FAHD2B: variants seen among roughly 807,000 people sequenced by gnomAD.
The protein encoded by FAHD2B is fumarylacetoacetate hydrolase domain containing 2B.
In FAHD2B, 26 loss-of-function variants were observed where a neutral mutation model predicts 33.7. The ratio of observed to expected loss-of-function variants is 0.77; its 90% confidence interval spans 0.57 to 1.07. The LOEUF (loss-of-function observed/expected upper bound fraction) is 1.07. Ranked by LOEUF, FAHD2B falls within the 50% of genes least tolerant of loss-of-function variation. The pLI, the probability that FAHD2B is intolerant of heterozygous loss-of-function variation, is 0.00. For synonymous variants in FAHD2B, 108 were observed against 150.9 expected (o/e 0.72, Z 2.08); for missense variants, 272 against 388.1 (o/e 0.70, Z 2.51).
chr2:97,081,475 T>C, downstream of FAHD2B: 3 of 1,584,602 alleles, frequency 1.9e-6, no homozygotes, highest in Non-Finnish European at 2.6e-6. Context: ...CAGGAGGTGC[T>C]GGACAGGCTC....
chr2:97,087,013 A>C (rs1263722253), intron 4 of FAHD2B: 1 of 152,154 alleles, frequency 6.6e-6, no homozygotes, highest in Admixed American at 6.6e-5. Flanking sequence ...AAAGGAATTC[A>C]CAGTGATATT....
intron 4 of FAHD2B, among the ~76,000 whole-genome samples, chr2:97,088,100 A>G (rs2032105857): frequency 6.6e-6 from 1 of 152,116 alleles, no homozygotes; most frequent in Admixed American, 6.6e-5. Flanking sequence ...TGAGGTCAGG[A>G]GTTGGCAAAC....
In FAHD2B at chr2:97,084,055, C is replaced by T. The variant is rs2031788901; in HGVS notation, c.795-20G>A. On this transcript the variant is annotated intron_variant, in intron 7 of 8. Coordinates refer to ENST00000414820, the MANE Select transcript of FAHD2B (RefSeq NM_001320848.2). ...ACAAACCTGGAGCAAAGCAAAAGGA[C>T]CCAGTGAGACCAGGGGCTGGCTGAG... 2 of 1,610,512 alleles carry T rather than the reference C, an allele frequency of 1.2e-6. No homozygotes were observed. Among genetic ancestry groups the T allele is most frequent in the African/African-American group, 1.3e-5 (1 of 74,880 alleles).
chr2:97,081,226 C>T (rs2031633838), downstream of FAHD2B: 21 of 1,486,598 alleles, frequency 1.4e-5, no homozygotes, highest in Non-Finnish European at 1.9e-5. Flanking sequence ...GCACCTGCTG[C>T]CGCAAGACCT....
intron 4 of FAHD2B, among the ~76,000 whole-genome samples, chr2:97,087,420 G>A (rs1256910951): frequency 4.6e-5 from 7 of 152,026 alleles, no homozygotes; most frequent in Non-Finnish European, 1.0e-4. Flanking sequence ...GTTCTTGGCC[G>A]GGTGCAGTGG....
At chr2:97,087,854 C>T (rs370349447) in intron 4 of FAHD2B, among the ~76,000 whole-genome samples, 4 of 152,204 alleles carry the variant, frequency 2.6e-5, no homozygotes, top group East Asian at 1.9e-4. Context: ...AATGGAAATG[C>T]GTCTTCACAA....
At chr2:97,081,344 C>A, downstream of FAHD2B, 1 of 1,563,302 alleles carries the variant, frequency 6.4e-7, no homozygotes. Context: ...CTGAAACCTC[C>A]TGGGTGGTAG....
At chr2:97,084,787 C>A (rs1378996495) in intron 6 of FAHD2B, among the ~76,000 whole-genome samples, 1 of 151,746 alleles carries the variant, frequency 6.6e-6, no homozygotes, top group East Asian at 1.9e-4. Context: ...GTGGTGCGTG[C>A]CTGTAGTCCC....
chr2:97,082,933 A>G (rs2031707015), downstream of FAHD2B, among the ~76,000 whole-genome samples: 1 of 152,096 alleles, frequency 6.6e-6, no homozygotes, highest in African/African-American at 2.4e-5. Flanking sequence ...GGGTTGGAGA[A>G]GGTGGGATGG....
Position 97,091,550 on chromosome 2 carries a change from T to A in FAHD2B, c.157A>T (p.Ile53Phe). The A allele has an allele frequency of 6.2e-7, 1 of 1,613,778 alleles. No individual in the cohort carries two copies. The highest frequency in any genetic ancestry group is 8.5e-7 in the Non-Finnish European group (1 of 1,179,994). ...GTGGGGTCAAAGGCATTGAGGTTGA[T>A]AACCCCTCCACCATTCCCTGTCTCC... Reference protein sequence around the residue: ...GLETGNGGGVINLNAFDPTLP... With the variant: ...GLETGNGGGVFNLNAFDPTLP... Residue 53 changes from isoleucine (I) to phenylalanine (F), a missense_variant, in exon 3 of 9, where the codon ATC becomes TTC. Coordinates refer to ENST00000414820, the MANE Select transcript of FAHD2B (RefSeq NM_001320848.2).
intron 1 of FAHD2B, among the ~76,000 whole-genome samples, chr2:97,093,577 C>G (rs2032485945): frequency 6.6e-6 from 1 of 150,384 alleles, no homozygotes. Flanking sequence ...CGGGTTCATG[C>G]CATTCTCCTG....
downstream of FAHD2B, among the ~76,000 whole-genome samples, chr2:97,079,582 G>A (rs1333621432): frequency 6.6e-6 from 1 of 151,774 alleles, no homozygotes; most frequent in African/African-American, 2.4e-5. Context: ...CTTTTGAAAA[G>A]TGTCTTTTCA....
downstream of FAHD2B, chr2:97,081,071 C>G: frequency 1.3e-6 from 2 of 1,509,010 alleles, no homozygotes; most frequent in Non-Finnish European, 1.8e-6. Context: ...GGGAACGGCT[C>G]CTTCCTCATA....
chr2:97,081,994 C>T (rs115265701), downstream of FAHD2B: 7,229 of 1,488,032 alleles, frequency 4.9e-3, 936 homozygotes, highest in African/African-American at 0.075. Flanking sequence ...GCTCCGGGTC[C>T]GGCCAGCCTG....
At chr2:97,081,566 C>T (rs905836387), downstream of FAHD2B, 75 of 1,524,664 alleles carry the variant, frequency 4.9e-5, no homozygotes, top group African/African-American at 3.0e-5. Flanking sequence ...TGGCCTCCTC[C>T]AGCCTCCCAC....
In FAHD2B at chr2:97,084,139, G is replaced by A. The variant is rs377270443; in HGVS notation, c.794+30C>T. The stretch of plus-strand genomic sequence containing the variant: ...CCTCCACATGTGTGGCAGGTGGAGC[G>A]GGGCTGGCAGGACAGCCCTTGTCAC... On this transcript the variant is annotated intron_variant, in intron 7 of 8. Coordinates refer to ENST00000414820, the MANE Select transcript of FAHD2B (RefSeq NM_001320848.2). The A allele has an allele frequency of 1.5e-5, 25 of 1,613,120 alleles. 1 individual carries two copies. The highest frequency in any genetic ancestry group is 2.2e-5 in the East Asian group (1 of 44,884).
At position 97,091,534 on chromosome 2, in the gene FAHD2B, A is replaced by G. The variant is rs1349744197; in HGVS notation, c.173T>C (p.Phe58Ser). 1 of 1,613,446 alleles carries G rather than the reference A, an allele frequency of 6.2e-7. No individual in the cohort carries two copies. Among genetic ancestry groups the G allele is most frequent in the African/African-American group, 1.3e-5 (1 of 74,658 alleles). The change falls in exon 3 of 9, where the codon TTT becomes TCT. Residue 58 changes from phenylalanine to serine, a missense_variant. Transcript: ENST00000414820. ...NGGGVINLNA[F>S]DPTLPKTMTQ... ...CATCGTCTTTGGGAGTGTGGGGTCAAAGGCATTGAGGTTGATAACCCCTCC... is the reference window on the plus strand; with the variant it reads ...CATCGTCTTTGGGAGTGTGGGGTCAGAGGCATTGAGGTTGATAACCCCTCC...
At chr2:97,082,387 T>C (rs2031678140), downstream of FAHD2B, 24 of 1,613,502 alleles carry the variant, frequency 1.5e-5, 1 homozygote, top group South Asian at 2.4e-4. Flanking sequence ...CTAGGTCTTC[T>C]CTCTTCTGCA....
chr2:97,084,306 T>G, intron 6 of FAHD2B, 29 bp from the exon 7 acceptor site: 1 of 1,611,634 alleles, frequency 6.2e-7, no homozygotes, highest in Non-Finnish European at 8.5e-7. Context: ...ACCTTGGAGT[T>G]ATCCCTTTTC....
Sources: allele counts gnomAD v4.1 joint callset (sites outside exome capture counted in the v4.1 genomes callset), GRCh38; gene constraint gnomAD v4.1.1; transcripts MANE v1.5; gene names NCBI Gene and HGNC (gene_info 2026-07-23, HGNC 2026-07-21).